Variants in SIPA1L3 observed in about 807,000 individuals in gnomAD.
SIPA1L3 encodes signal induced proliferation associated 1 like 3, also known as signal-induced proliferation-associated 1-like protein 3.
SIPA1L3 carries 59 observed loss-of-function variants against 150.1 expected under a neutral mutation model. The ratio of observed to expected loss-of-function variants is 0.39; its 90% confidence interval spans 0.32 to 0.49. The LOEUF (loss-of-function observed/expected upper bound fraction) is 0.49, where lower values mean the gene tolerates loss of function less well. SIPA1L3 is among the 20% of genes least tolerant of loss of function. The pLI is 0.86. For synonymous variants in SIPA1L3, 1,070 were observed against 1,077.6 expected (o/e 0.99, Z 0.14); for missense variants, 2,211 against 2,489.5 (o/e 0.89, Z 2.38).
intron 12 of SIPA1L3, among the ~76,000 whole-genome samples, chr19:38,146,984 AT>A (rs1971714737): frequency 2.6e-5 from 4 of 152,092 alleles, no homozygotes; most frequent in Admixed American, 2.6e-4. Flanking sequence ...ATTTGCAAAT[AT>A]TTCCTCCCAG....
intron 1 of SIPA1L3, among the ~76,000 whole-genome samples, chr19:37,987,362 T>C (rs1967382520): frequency 6.6e-6 from 1 of 152,198 alleles, no homozygotes; most frequent in Non-Finnish European, 1.5e-5. Flanking sequence ...AATCCTTAGC[T>C]GCATTTTTCC....
chr19:38,193,827 G>A lies in SIPA1L3; in HGVS notation c.4840+47G>A, dbSNP rs548609322. ...CTGGCGCGGTAGTTACCCCAAGGTTGGGAGGTGGGGATGCCCGAGCAGGGG... is the reference window on the plus strand; with the variant it reads ...CTGGCGCGGTAGTTACCCCAAGGTTAGGAGGTGGGGATGCCCGAGCAGGGG... On this transcript the variant is annotated intron_variant, in intron 18 of 21. Transcript: ENST00000222345. 4.0e-6 allele frequency: 6 copies of A among 1,488,568 alleles called. No homozygotes were observed. In the South Asian group the frequency reaches 6.8e-5, roughly 17 times the overall value. The allele number at this position is 1,488,568 out of a possible 1,614,324, so 92.2% of individuals were successfully genotyped here.
intron 15 of SIPA1L3, among the ~76,000 whole-genome samples, chr19:38,178,733 C>G (rs187111558): frequency 6.6e-6 from 1 of 152,158 alleles, no homozygotes; most frequent in Non-Finnish European, 1.5e-5. Flanking sequence ...GTCTTGGCCT[C>G]CCAAAGTGCC....
intron 1 of SIPA1L3, among the ~76,000 whole-genome samples, chr19:38,005,596 A>G (rs201600435): frequency 6.6e-6 from 1 of 152,140 alleles, no homozygotes; most frequent in East Asian, 1.9e-4. Flanking sequence ...TACTCATCTG[A>G]CCTGATCAGG....
At chr19:38,170,730 G>A (rs1237260850) in intron 15 of SIPA1L3, among the ~76,000 whole-genome samples, 1 of 152,092 alleles carries the variant, frequency 6.6e-6, no homozygotes, top group East Asian at 1.9e-4. Context: ...CTGCAGAGAC[G>A]GGTGGGGTCT....
intron 1 of SIPA1L3, among the ~76,000 whole-genome samples, chr19:37,940,084 G>A (rs2046639244): frequency 6.6e-6 from 1 of 152,176 alleles, no homozygotes; most frequent in Non-Finnish European, 1.5e-5. Flanking sequence ...TAGTAAGCAA[G>A]TCAGTTACTT....
At chr19:38,205,459 A>AAT (rs1410021980) in intron 21 of SIPA1L3, among the ~76,000 whole-genome samples, 1 of 146,110 alleles carries the variant, frequency 6.8e-6, no homozygotes, top group Non-Finnish European at 1.5e-5. Flanking sequence ...CCCAGTCTCA[A>AAT]AAAAAAAAAA....
chr19:38,029,319 T>C (rs913080454), intron 2 of SIPA1L3, among the ~76,000 whole-genome samples, 163 bp downstream of exon 2: 4 of 152,198 alleles, frequency 2.6e-5, no homozygotes, highest in African/African-American at 7.2e-5. Flanking sequence ...GTAATTACTG[T>C]CAGTCACTGG....
chr19:38,183,931 G>T (rs1469555391), intron 16 of SIPA1L3, among the ~76,000 whole-genome samples: 2 of 152,188 alleles, frequency 1.3e-5, no homozygotes, highest in Non-Finnish European at 2.9e-5. Context: ...TCGCCGGAGG[G>T]TTCAGGAGAA....
chr19:38,153,244 G>A (rs1380050859), intron 13 of SIPA1L3, among the ~76,000 whole-genome samples: 1 of 152,242 alleles, frequency 6.6e-6, no homozygotes, highest in East Asian at 1.9e-4. Flanking sequence ...GGAGCTGGGA[G>A]CCACCAGGGA....
chr19:38,083,625 G>A (rs1970059337), intron 3 of SIPA1L3, among the ~76,000 whole-genome samples: 1 of 152,180 alleles, frequency 6.6e-6, no homozygotes. Flanking sequence ...GGCAGGTGCA[G>A]TTTGAGTACC....
intron 8 of SIPA1L3, among the ~76,000 whole-genome samples, chr19:38,118,727 C>A (rs1350149348): frequency 1.3e-5 from 2 of 151,812 alleles, no homozygotes; most frequent in East Asian, 2.0e-4. Context: ...ACAGACGGGG[C>A]TTTACCATAT....
rs757136950 is a variant in SIPA1L3 at position 38,154,458 on chromosome 19, T to A, written c.3661+1491T>A. On this transcript the variant is annotated intron_variant, in intron 13 of 21. Coordinates refer to ENST00000222345, the MANE Select transcript of SIPA1L3 (RefSeq NM_015073.3). The stretch of plus-strand genomic sequence containing the variant: ...ATTTTATTTTATTTATTTATTTATT[T>A]ATTTTTTAAACGGAGTTTCGCTCTT... Among the ~76,000 whole-genome samples, 83 of 152,204 alleles carry A rather than the reference T, an allele frequency of 5.5e-4. 1 individual carries two copies. The highest frequency in any genetic ancestry group is 3.9e-4 in the Admixed American group (6 of 15,272).
In SIPA1L3 at chr19:38,077,661, C is replaced by CTTTTTTT. The variant is rs58788182; in HGVS notation, c.-310-3574_-310-3568dup. ...TTTTTTCTTTTTTCTTTTTCTTTTTCTTTTTTTTTTTTTTTTTTTTTTTTT... is the reference window on the plus strand; with the variant it reads ...TTTTTTCTTTTTTCTTTTTCTTTTTCTTTTTTTTTTTTTTTTTTTTTTTTTTTTTTTT... On this transcript the variant is annotated intron_variant, in intron 2 of 21. Coordinates refer to ENST00000222345, the MANE Select transcript of SIPA1L3 (RefSeq NM_015073.3). 5.9e-3 allele frequency among the ~76,000 whole-genome samples: 378 copies of CTTTTTTT among 64,346 alleles called. 34 individuals carry two copies. Among genetic ancestry groups the CTTTTTTT allele is most frequent in the Middle Eastern group, 0.013 (1 of 78 alleles). 42.2% of individuals were successfully genotyped at this position (64,346 alleles called of 152,430 possible).
rs1311090665 is a variant in SIPA1L3, at chr19:38,193,746, C to A, written c.4806C>A (p.Thr1602=). 3.2e-6 allele frequency: 5 copies of A among 1,572,964 alleles called. No homozygotes were observed. Among genetic ancestry groups the A allele is most frequent in the East Asian group, 2.3e-5 (1 of 43,476 alleles). ...ACCCGCCCGTCGGCCCCGGTGCCAC[C>A]CCTGCCGCCGGCAGCGGCTTTCCCG... is the stretch of plus-strand genomic sequence containing the variant. ...HPHPPVGPGA[T]PAAGSGFPEK... Residue 1602 remains threonine, a synonymous_variant, in exon 18 of 22, where the codon ACC becomes ACA. Coordinates refer to ENST00000222345, the MANE Select transcript of SIPA1L3 (RefSeq NM_015073.3).
intron 10 of SIPA1L3, among the ~76,000 whole-genome samples, chr19:38,135,151 G>A (rs187694022): frequency 1.3e-5 from 2 of 152,276 alleles, no homozygotes; most frequent in East Asian, 1.9e-4. Flanking sequence ...AAGCCATCAC[G>A]AGCTATTAAT....
chr19:38,007,370 G>A (rs1021000063), intron 1 of SIPA1L3, among the ~76,000 whole-genome samples: 6 of 150,952 alleles, frequency 4.0e-5, no homozygotes, highest in South Asian at 2.1e-4. Flanking sequence ...GGAGAATGGC[G>A]TGAACCCGGG....
chr19:38,161,340 C>CAAAAAA (rs952754406), intron 13 of SIPA1L3, among the ~76,000 whole-genome samples: 1 of 46,404 alleles, frequency 2.2e-5, no homozygotes, highest in Admixed American at 2.1e-4. Context: ...GACTCCGTCT[C>CAAAAAA]AAAAAAAAAA....
At chr19:38,048,621 T>C (rs1411388087) in intron 2 of SIPA1L3, among the ~76,000 whole-genome samples, 1 of 152,200 alleles carries the variant, frequency 6.6e-6, no homozygotes, top group African/African-American at 2.4e-5. Context: ...AGACAACCAT[T>C]AATGCCTGCC....
Sources: allele counts gnomAD v4.1 joint callset (sites outside exome capture counted in the v4.1 genomes callset), GRCh38; gene constraint gnomAD v4.1.1; transcripts MANE v1.5; gene names NCBI Gene and HGNC (gene_info 2026-07-23, HGNC 2026-07-21).